Variants in RBFOX2 observed in about 807,000 individuals in gnomAD.
RBFOX2 encodes the protein RNA binding fox-1 homolog 2.
A neutral mutation model predicts 49.1 loss-of-function variants in RBFOX2; 10 were observed. The ratio of observed to expected loss-of-function variants is 0.20; its 90% confidence interval spans 0.13 to 0.35. RBFOX2 has a LOEUF of 0.35. Among genes scored for constraint, RBFOX2 ranks in the 10% least tolerant of loss-of-function variants. The pLI is 1.00. For missense variants in RBFOX2, 323 were observed against 486.9 expected (o/e 0.66, Z 3.17); for synonymous variants, 183 against 187.4 (o/e 0.98, Z 0.19).
intron 1 of RBFOX2, among the ~76,000 whole-genome samples, chr22:35,931,812 T>C (rs1031880561): frequency 2.6e-5 from 4 of 152,304 alleles, no homozygotes; most frequent in Admixed American, 6.5e-5. Context: ...AAGGTTGCAT[T>C]TTTAAGGAAT....
intron 1 of RBFOX2, among the ~76,000 whole-genome samples, chr22:35,894,854 G>A (rs981751880): frequency 3.3e-5 from 5 of 151,728 alleles, no homozygotes; most frequent in Admixed American, 3.3e-4. Context: ...CAAACTCAGC[G>A]GTCAGTGGAT....
At chr22:35,982,168 G>A (rs1035876601) in intron 1 of RBFOX2, among the ~76,000 whole-genome samples, 1 of 152,096 alleles carries the variant, frequency 6.6e-6, no homozygotes, top group African/African-American at 2.4e-5. Context: ...CTGATGCTAG[G>A]AGCAAGAAGC....
chr22:35,764,353 G>A (rs1010138300), intron 6 of RBFOX2, among the ~76,000 whole-genome samples: 8 of 152,046 alleles, frequency 5.3e-5, no homozygotes, highest in African/African-American at 1.2e-4. Context: ...GGGAGGCCAC[G>A]GTGGGCGGAT....
chr22:36,019,046 T>G (rs944729870), intron 1 of RBFOX2, among the ~76,000 whole-genome samples: 10 of 152,020 alleles, frequency 6.6e-5, no homozygotes, highest in Non-Finnish European at 1.5e-4. Flanking sequence ...GAACAAAAAG[T>G]GCCACTTTTG....
intron 1 of RBFOX2, among the ~76,000 whole-genome samples, chr22:35,945,641 C>T (rs1384208416): frequency 6.6e-6 from 1 of 152,120 alleles, no homozygotes; most frequent in African/African-American, 2.4e-5. Flanking sequence ...CAAGGTCTCA[C>T]TCTGTTGCAC....
intron 1 of RBFOX2, among the ~76,000 whole-genome samples, chr22:35,891,247 C>T (rs181872116): frequency 6.6e-6 from 1 of 152,206 alleles, no homozygotes; most frequent in Non-Finnish European, 1.5e-5. Flanking sequence ...AATTCTTCTG[C>T]CTCAGCCTCC....
At chr22:35,795,628 C>CAAAAAAAAA (rs139555281) in intron 2 of RBFOX2, among the ~76,000 whole-genome samples, 2 of 33,566 alleles carry the variant, frequency 6.0e-5, no homozygotes, top group Non-Finnish European at 1.1e-4. Flanking sequence ...TGTAGAAAAG[C>CAAAAAAAAA]AAAAAAAAAA....
intron 1 of RBFOX2, among the ~76,000 whole-genome samples, chr22:35,834,966 A>C (rs978381181): frequency 6.6e-6 from 1 of 152,206 alleles, no homozygotes; most frequent in African/African-American, 2.4e-5. Flanking sequence ...TAATAGTAAT[A>C]GAGAAACATT....
intron 1 of RBFOX2, among the ~76,000 whole-genome samples, chr22:35,839,880 T>A (rs1958416268): frequency 6.6e-6 from 1 of 152,108 alleles, no homozygotes; most frequent in African/African-American, 2.4e-5. Context: ...AGTCTTTCTC[T>A]CCCTCCCTCT....
chr22:36,006,814 G>T (rs575699223), intron 1 of RBFOX2, among the ~76,000 whole-genome samples: 1 of 152,136 alleles, frequency 6.6e-6, no homozygotes, highest in East Asian at 1.9e-4. Context: ...TTCTCCAAAT[G>T]CCCATCCCAC....
intron 1 of RBFOX2, among the ~76,000 whole-genome samples, chr22:35,915,219 G>T (rs1341741639): frequency 6.6e-6 from 1 of 152,194 alleles, no homozygotes; most frequent in African/African-American, 2.4e-5. Context: ...ACATGTGCAG[G>T]GCAGAGAGAA....
chr22:35,825,674 G>A (rs1426693182), intron 1 of RBFOX2, among the ~76,000 whole-genome samples: 1 of 152,114 alleles, frequency 6.6e-6, no homozygotes, highest in Non-Finnish European at 1.5e-5. Flanking sequence ...ACCTAAAAGG[G>A]TACCTACAAG....
intron 1 of RBFOX2, among the ~76,000 whole-genome samples, chr22:35,836,981 A>C (rs561368407): frequency 4.6e-5 from 7 of 152,350 alleles, no homozygotes; most frequent in African/African-American, 1.4e-4. Flanking sequence ...GATCTCAGTG[A>C]AATACTCCTA....
At chr22:35,817,414 T>A (rs955271293) in intron 1 of RBFOX2, among the ~76,000 whole-genome samples, 1 of 151,820 alleles carries the variant, frequency 6.6e-6, no homozygotes, top group East Asian at 1.9e-4. Context: ...GAGGCAGAGG[T>A]TGCAGTGAGC....
chr22:35,772,900 C>T (rs1042313159), intron 4 of RBFOX2, among the ~76,000 whole-genome samples: 14 of 151,564 alleles, frequency 9.2e-5, no homozygotes, highest in Non-Finnish European at 1.6e-4. Context: ...TTGAATTTTT[C>T]GATCTCAGAA....
chr22:36,000,001 A>T (rs1033484183), intron 1 of RBFOX2: 3 of 102,064 alleles, frequency 2.9e-5, no homozygotes, highest in African/African-American at 7.2e-5. Flanking sequence ...ATATATATAT[A>T]TATATTTTTT....
upstream of RBFOX2, among the ~76,000 whole-genome samples, chr22:35,842,383 G>A (rs1445803577): frequency 2.6e-5 from 4 of 152,140 alleles, no homozygotes; most frequent in Non-Finnish European, 5.9e-5. Context: ...GAAGTGACCT[G>A]GAACACAGAA....
Position 35,791,340 on chromosome 22 carries a change from G to A in RBFOX2, c.253-9594C>T, listed in dbSNP as rs1042970973. Reference sequence around the variant, plus strand: ...ATGGAGGTTGCAGTGAGCCGAGATCGCACCATTGCACTCCAGCCTGGGCAA... The same window carrying A: ...ATGGAGGTTGCAGTGAGCCGAGATCACACCATTGCACTCCAGCCTGGGCAA... On this transcript the variant is annotated intron_variant, in intron 2 of 11. Coordinates refer to ENST00000405409, the Ensembl canonical transcript of RBFOX2. Among the ~76,000 whole-genome samples, 7 of 148,004 alleles carry A rather than the reference G, an allele frequency of 4.7e-5. No homozygotes were observed. The East Asian group carries it at 1.4e-3, about 30-fold the overall frequency.
chr22:35,968,597 C>G (rs1474850212), intron 1 of RBFOX2, among the ~76,000 whole-genome samples: 1 of 152,168 alleles, frequency 6.6e-6, no homozygotes, highest in Non-Finnish European at 1.5e-5. Flanking sequence ...CAAAGTCACT[C>G]CTCTGATGCA....
Sources: gnomAD v4.1 joint callset for allele counts (sites outside exome capture counted in the v4.1 genomes callset) on GRCh38, gnomAD v4.1.1 for gene constraint, MANE v1.5 for transcripts, NCBI Gene and HGNC (gene_info 2026-07-23, HGNC 2026-07-21) for gene names.